The following MYT1L variants were observed in gnomAD, a reference collection of about 807,000 sequenced individuals.
MYT1L encodes the protein myelin transcription factor 1 like, also known as myelin transcription factor 1-like protein.
Under a neutral mutation model 126.7 loss-of-function variants are expected in MYT1L, and 12 were observed. The ratio of observed to expected loss-of-function variants is 0.09; its 90% CI spans 0.06 to 0.15. The LOEUF (loss-of-function observed/expected upper bound fraction) is 0.15, where lower values mean the gene tolerates loss of function less well. MYT1L is among the 10% of genes least tolerant of loss of function. The pLI is 1.00. For synonymous variants in MYT1L, 541 were observed against 604.2 expected (o/e 0.90, Z 1.53); for missense variants, 979 against 1,585.2 (o/e 0.62, Z 6.49).
chr2:2,217,002 T>C (rs983610657), intron 2 of MYT1L, among the ~76,000 whole-genome samples: 4 of 152,208 alleles, frequency 2.6e-5, no homozygotes, highest in African/African-American at 9.6e-5. Context: ...TGGAAAGGCT[T>C]CTATCTACCA....
intron 18 of MYT1L, among the ~76,000 whole-genome samples, chr2:1,878,225 C>A (rs372266594): frequency 1.3e-5 from 2 of 152,164 alleles, no homozygotes; most frequent in Non-Finnish European, 2.9e-5. Context: ...CTCATCTCAC[C>A]GTGCAGCTTG....
chr2:1,972,045 G>A (rs1239900978), intron 8 of MYT1L, among the ~76,000 whole-genome samples: 1 of 152,172 alleles, frequency 6.6e-6, no homozygotes, highest in Admixed American at 6.5e-5. Context: ...AAGCTTACGG[G>A]GAGGGTGTGG....
intron 3 of MYT1L, among the ~76,000 whole-genome samples, chr2:2,171,925 A>G (rs1401167625): frequency 2.0e-5 from 3 of 152,194 alleles, no homozygotes; most frequent in Non-Finnish European, 2.9e-5. Context: ...TCACAATTGC[A>G]CAGTGAACCT....
chr2:1,897,239 T>C (rs543737826), intron 14 of MYT1L, among the ~76,000 whole-genome samples: 1 of 152,192 alleles, frequency 6.6e-6, no homozygotes, highest in African/African-American at 2.4e-5. Context: ...TCCCTATTTG[T>C]AAAATGTCAG....
chr2:1,860,545 G>A (rs1245730320), intron 18 of MYT1L, among the ~76,000 whole-genome samples: 1 of 152,156 alleles, frequency 6.6e-6, no homozygotes, highest in Admixed American at 6.5e-5. Context: ...TTGATTACAC[G>A]GAGCCCTAAG....
chr2:2,289,865 T>C (rs2095573753), intron 1 of MYT1L, among the ~76,000 whole-genome samples: 1 of 152,214 alleles, frequency 6.6e-6, no homozygotes, highest in African/African-American at 2.4e-5. Context: ...AGTTCACCTG[T>C]GTCATGGCAT....
rs570994575 is a variant in MYT1L, at chr2:2,158,790, G to C, written c.-304+14082C>G. Among the ~76,000 whole-genome samples, 99 of 152,088 alleles carry C rather than the reference G, an allele frequency of 6.5e-4. 1 individual carries two copies. The highest frequency in any genetic ancestry group is 1.1e-3 in the Non-Finnish European group (77 of 67,996). On this transcript the variant is annotated intron_variant, in intron 3 of 24. Transcript: ENST00000647738. ...GAGGATTAGGCAAGCAGAAAGCAAT[G>C]GTCTATGATGACACGTGTCTTTCAC...
At chr2:2,211,837 A>T (rs925968118) in intron 2 of MYT1L, among the ~76,000 whole-genome samples, 2 of 151,566 alleles carry the variant, frequency 1.3e-5, no homozygotes, top group South Asian at 4.2e-4. Context: ...CAAAAAAAAA[A>T]CTGACAATGC....
chr2:1,791,780 A>G lies in MYT1L; in HGVS notation c.*87T>C. On this transcript the variant is annotated 3_prime_UTR_variant, in exon 25 of 25. Transcript: ENST00000647738. The surrounding 1 kb of genome is among the most constrained non-coding windows in gnomAD (Gnocchi z 6.0). ...CACTGTTTCAAATTCAAACAGAAAT[A>G]AATATAGAACACTTTCTGGTAAGTT... 7.9e-7 allele frequency: 1 copy of G among 1,273,160 alleles called. No individual in the cohort carries two copies. The highest frequency in any genetic ancestry group is 1.1e-6 in the Non-Finnish European group (1 of 941,536). The allele number at this position is 1,273,160 out of a possible 1,614,324, so 78.9% of individuals were successfully genotyped here.
intron 1 of MYT1L, among the ~76,000 whole-genome samples, chr2:2,286,885 G>C (rs75355334): frequency 3.5e-4 from 54 of 152,310 alleles, no homozygotes; most frequent in African/African-American, 1.3e-3. Flanking sequence ...AAGAGACTTA[G>C]TGTCAAAGCG....
intron 18 of MYT1L, among the ~76,000 whole-genome samples, chr2:1,881,862 A>G (rs1368183509): frequency 1.3e-5 from 2 of 152,224 alleles, no homozygotes; most frequent in African/African-American, 4.8e-5. Flanking sequence ...AAAGCAGCAC[A>G]CTGAAGGTGG....
chr2:2,055,818 T>C (rs912560636), intron 3 of MYT1L, among the ~76,000 whole-genome samples: 10 of 152,246 alleles, frequency 6.6e-5, no homozygotes, highest in African/African-American at 2.4e-4. Flanking sequence ...ACTCTACTGG[T>C]AATCCTAAAA....
At chr2:1,986,701 C>G (rs1289012457) in intron 5 of MYT1L, among the ~76,000 whole-genome samples, 1 of 152,136 alleles carries the variant, frequency 6.6e-6, no homozygotes, top group Non-Finnish European at 1.5e-5. Flanking sequence ...ACAAGAAGAA[C>G]TTTTGGGGAA....
At chr2:2,056,956 A>G (rs1238823734) in intron 3 of MYT1L, among the ~76,000 whole-genome samples, 1 of 152,076 alleles carries the variant, frequency 6.6e-6, no homozygotes, top group Non-Finnish European at 1.5e-5. Flanking sequence ...AACTGTTTTG[A>G]GGTAACTGTA....
intron 21 of MYT1L, among the ~76,000 whole-genome samples, chr2:1,836,326 G>A (rs761872513): frequency 9.6e-6 from 1 of 104,048 alleles, no homozygotes; most frequent in Non-Finnish European, 1.8e-5. Context: ...TTCCATCAAC[G>A]TGCACTCCAA....
At position 1,942,993 on chromosome 2, in the gene MYT1L, T is replaced by G; in HGVS notation, c.494A>C (p.Glu165Ala). The part of the protein sequence containing the change: ...EEEEEEEEEE[E>A]EENEDHQMNC... ...ATTTTAAAGATTACCGTTTTCTTCT[T>G]CCTCTTCCTCCTCCTCCTCCTCCTC... Residue 165 changes from glutamate to alanine, a missense_variant, in exon 9 of 25, where the codon GAA (glutamate) becomes GCA (alanine). Physicochemically the swap from Glu to Ala is moderately radical, Grantham distance 107 (BLOSUM62 -1). Coordinates refer to ENST00000647738, the MANE Select transcript of MYT1L (RefSeq NM_001303052.2). 13 of 1,537,370 alleles carry G rather than the reference T, an allele frequency of 8.5e-6. No individual in the cohort carries two copies. The highest frequency in any genetic ancestry group is 1.1e-5 in the Non-Finnish European group (13 of 1,138,496).
At chr2:1,888,576 G>A (rs1171636841) in intron 16 of MYT1L, among the ~76,000 whole-genome samples, 2 of 152,140 alleles carry the variant, frequency 1.3e-5, no homozygotes, top group African/African-American at 4.8e-5. Context: ...GAAAGAAGAT[G>A]TCATAAGACT....
intron 9 of MYT1L, among the ~76,000 whole-genome samples, chr2:1,931,071 T>C (rs79302953): frequency 0.066 from 10,047 of 152,260 alleles, 409 homozygotes; most frequent in East Asian, 0.19. Flanking sequence ...ACACCCTGCA[T>C]GTGGGAAAAT....
chr2:2,312,843 G>T (rs1215860265), intron 1 of MYT1L, among the ~76,000 whole-genome samples: 1 of 152,034 alleles, frequency 6.6e-6, no homozygotes, highest in Non-Finnish European at 1.5e-5. Context: ...GGGGTGTGGA[G>T]AAATGGGAAG....
Sources: gnomAD v4.1 joint callset for allele counts (sites outside exome capture counted in the v4.1 genomes callset) on GRCh38, gnomAD v4.1.1 for gene constraint, Gnocchi (gnomAD v3.1) non-coding constraint, MANE v1.5 for transcripts, NCBI Gene and HGNC (gene_info 2026-07-23, HGNC 2026-07-21) for gene names.